The following CMIP variants were observed in gnomAD, a reference collection of about 807,000 sequenced individuals.
The protein encoded by CMIP is C-Maf-inducing protein.
Under a neutral mutation model 97.3 loss-of-function variants are expected in CMIP, and 13 were observed. The ratio of observed to expected loss-of-function variants is 0.13; its 90% confidence interval spans 0.09 to 0.21. The LOEUF is 0.21. Ranked by LOEUF, CMIP falls within the 10% of genes least tolerant of loss-of-function variation. The pLI is 1.00. For missense variants in CMIP, 847 were observed against 1,024.9 expected (o/e 0.83, Z 2.37); for synonymous variants, 538 against 436.3 (o/e 1.23, Z -2.91).
intron 1 of CMIP, among the ~76,000 whole-genome samples, chr16:81,550,794 G>A (rs553980700): frequency 6.6e-6 from 1 of 151,820 alleles, no homozygotes; most frequent in African/African-American, 2.4e-5. Flanking sequence ...CTTACACCCA[G>A]GAGAGGATGA....
At chr16:81,650,811 C>T (rs1168059659) in intron 3 of CMIP, among the ~76,000 whole-genome samples, 2 of 152,156 alleles carry the variant, frequency 1.3e-5, no homozygotes, top group Non-Finnish European at 2.9e-5. Flanking sequence ...TCCTGACTTA[C>T]AGAACAGGAC....
intron 20 of CMIP, among the ~76,000 whole-genome samples, chr16:81,709,168 A>G (rs1269905221): frequency 6.6e-6 from 1 of 152,224 alleles, no homozygotes; most frequent in Non-Finnish European, 1.5e-5. Context: ...GGGAGCCTCA[A>G]GTGGGAAGAA....
intron 3 of CMIP, chr16:81,645,658 G>C: frequency 6.6e-7 from 1 of 1,522,626 alleles, no homozygotes; most frequent in Non-Finnish European, 8.8e-7. Flanking sequence ...GGCTGACTCT[G>C]CCAGACGGGA....
At chr16:81,569,265 A>G (rs1311898927) in intron 1 of CMIP, among the ~76,000 whole-genome samples, 1 of 152,180 alleles carries the variant, frequency 6.6e-6, no homozygotes, top group Non-Finnish European at 1.5e-5. Context: ...ATACTGTCTC[A>G]TTCTGGGGGT....
chr16:81,445,704 CG>C (rs1357597029), intron 1 of CMIP, among the ~76,000 whole-genome samples, 163 bp downstream of exon 1: 4 of 152,230 alleles, frequency 2.6e-5, no homozygotes, highest in Admixed American at 2.6e-4. Flanking sequence ...GGCCTGCTCG[CG>C]GGGCTCGATT....
chr16:81,562,454 T>C (rs1173587220), intron 1 of CMIP, among the ~76,000 whole-genome samples: 4 of 152,230 alleles, frequency 2.6e-5, no homozygotes, highest in Non-Finnish European at 4.4e-5. Context: ...GCAAATCCAT[T>C]TGGGGCTAAC....
chr16:81,652,747 C>A lies in CMIP; in HGVS notation c.639+383C>A, dbSNP rs2092442520. Among the ~76,000 whole-genome samples, 1 of 152,176 alleles carries A rather than the reference C, an allele frequency of 6.6e-6. No individual in the cohort carries two copies. The highest frequency in any genetic ancestry group is 2.4e-5 in the African/African-American group (1 of 41,442). On this transcript the variant is annotated intron_variant, in intron 4 of 20. Transcript: ENST00000537098. The surrounding 1 kb of genome is among the most constrained non-coding windows in gnomAD (Gnocchi z 5.2). Reference sequence around the variant, plus strand: ...GTAGATGTGCTCTGTTTAATTTAAACACCATTTTAAAAATCAGGAGATTTC... The same window carrying A: ...GTAGATGTGCTCTGTTTAATTTAAAAACCATTTTAAAAATCAGGAGATTTC...
chr16:81,669,296 C>T (rs1337785047), intron 7 of CMIP, among the ~76,000 whole-genome samples: 1 of 95,498 alleles, frequency 1.0e-5, no homozygotes, highest in African/African-American at 3.9e-5. Context: ...TCCACACCCA[C>T]CTCTCACACT....
Position 81,476,290 on chromosome 16 carries a change from G to A in CMIP, c.300+30749G>A, listed in dbSNP as rs147605705. 1,973 of 1,554,018 alleles carry A rather than the reference G, an allele frequency of 1.3e-3. 51 individuals are homozygous for A. The East Asian group carries it at 0.039, about 31-fold the overall frequency. On this transcript the variant is annotated intron_variant, in intron 1 of 20. Transcript: ENST00000537098. ...ATCTTCAAATTTCTCCCCATAGATG[G>A]ACTTGCCACCAGTGCCATTACGGCG...
chr16:81,495,313 C>G (rs1159172112), intron 1 of CMIP: 7 of 1,448,378 alleles, frequency 4.8e-6, no homozygotes, highest in Middle Eastern at 2.6e-4. Flanking sequence ...CCTGGGCAGG[C>G]TGGTTCAGTG....
chr16:81,559,771 T>C (rs2090840347), intron 1 of CMIP, among the ~76,000 whole-genome samples: 1 of 152,220 alleles, frequency 6.6e-6, no homozygotes, highest in Non-Finnish European at 1.5e-5. Context: ...ATTTTATTGT[T>C]ATTTTGTGGT....
intron 1 of CMIP, among the ~76,000 whole-genome samples, chr16:81,478,937 T>C (rs1023754136): frequency 2.0e-5 from 3 of 152,146 alleles, no homozygotes; most frequent in Non-Finnish European, 1.5e-5. Context: ...TGGAGCTCAG[T>C]TGGAGACCCG....
At chr16:81,578,921 T>C (rs1401004867) in intron 1 of CMIP, among the ~76,000 whole-genome samples, 1 of 152,220 alleles carries the variant, frequency 6.6e-6, no homozygotes, top group Non-Finnish European at 1.5e-5. Flanking sequence ...ATGCTTCTTC[T>C]CCTTTCTGTG....
In CMIP at chr16:81,477,354, T is replaced by A. The variant is rs1239459267; in HGVS notation, c.300+31813T>A. 3.3e-5 allele frequency among the ~76,000 whole-genome samples: 5 copies of A among 152,274 alleles called. No homozygotes were observed. The East Asian group carries it at 9.6e-4, about 29-fold the overall frequency. ...TTTTATATTTTTAGTAGAGACAGGGTTTCACCATGTTGGCCAGGCTCGTCT... is the reference window on the plus strand; with the variant it reads ...TTTTATATTTTTAGTAGAGACAGGGATTCACCATGTTGGCCAGGCTCGTCT... On this transcript the variant is annotated intron_variant, in intron 1 of 20. Coordinates refer to ENST00000537098, the MANE Select transcript of CMIP (RefSeq NM_198390.3).
chr16:81,536,429 G>A (rs1347080564), intron 1 of CMIP, among the ~76,000 whole-genome samples: 1 of 152,132 alleles, frequency 6.6e-6, no homozygotes, highest in East Asian at 1.9e-4. Flanking sequence ...TGATCGTCAG[G>A]ATAAGAATAT....
intron 1 of CMIP, among the ~76,000 whole-genome samples, chr16:81,541,833 C>T (rs930931007): frequency 2.6e-5 from 4 of 152,096 alleles, no homozygotes; most frequent in Non-Finnish European, 4.4e-5. Context: ...TGAAAACGAC[C>T]CAGAGGCCGT....
At chr16:81,589,570 G>A (rs1006855060) in intron 1 of CMIP, among the ~76,000 whole-genome samples, 5 of 151,594 alleles carry the variant, frequency 3.3e-5, no homozygotes, top group African/African-American at 4.9e-5. Flanking sequence ...GGCCCATGCC[G>A]GGCACTCTGG....
rs1016543874 is a variant in CMIP, at chr16:81,495,350, G to C, written c.300+49809G>C. ...TAAGCAGGAGCCAGGCGACCCACAG[G>C]CTTCTTGGATGGGCTGGGCGTGCAT... On this transcript the variant is annotated intron_variant, in intron 1 of 20. Transcript: ENST00000537098. 51 of 1,481,886 alleles carry C rather than the reference G, an allele frequency of 3.4e-5. 1 individual carries two copies. The highest frequency in any genetic ancestry group is 8.2e-5 in the South Asian group (6 of 73,314). The allele number at this position is 1,481,886 out of a possible 1,614,324, so 91.8% of individuals were successfully genotyped here. A position where few individuals can be genotyped will look rare whatever the true frequency, so the allele number is the denominator to read the frequency against.
intron 3 of CMIP, among the ~76,000 whole-genome samples, chr16:81,625,067 A>G (rs1350882125): frequency 2.0e-5 from 3 of 152,156 alleles, no homozygotes; most frequent in East Asian, 1.9e-4. Flanking sequence ...CAGTCGCACA[A>G]GGTTCCAAGG....
Sources: gnomAD v4.1 joint callset for allele counts (sites outside exome capture counted in the v4.1 genomes callset) on GRCh38, gnomAD v4.1.1 for gene constraint, Gnocchi (gnomAD v3.1) non-coding constraint, MANE v1.5 for transcripts, NCBI Gene and HGNC (gene_info 2026-07-23, HGNC 2026-07-21) for gene names.